The following EPS8L2 variants were observed in gnomAD, a reference collection of about 807,000 sequenced individuals.
The protein encoded by EPS8L2 is epidermal growth factor receptor kinase substrate 8-like protein 2.
A neutral mutation model predicts 99.4 loss-of-function variants in EPS8L2; 81 were observed. The observed-to-expected ratio is 0.82, with a 90% CI of 0.68 to 0.98. EPS8L2 has a LOEUF of 0.98. Among genes scored for constraint, EPS8L2 ranks in the 50% least tolerant of loss-of-function variants. The pLI is 0.00. For missense variants in EPS8L2, 1,155 were observed against 968.8 expected (o/e 1.19, Z -2.55); for synonymous variants, 509 against 407.3 (o/e 1.25, Z -3.01).
intron 4 of EPS8L2, among the ~76,000 whole-genome samples, chr11:714,673 TA>T (rs1283692477): frequency 2.4e-5 from 2 of 81,746 alleles, no homozygotes; most frequent in East Asian, 2.9e-4. Flanking sequence ...TATTTTATTT[TA>T]TTTTTTTTTG....
rs147420345 is a variant in EPS8L2 at position 723,301 on chromosome 11, C to T, written c.1402C>T (p.Pro468Ser). The change falls in exon 15 of 21, where the codon CCC (proline) becomes TCC (serine). Residue 468 changes from proline (P) to serine (S), a missense_variant. Pro to Ser is a moderately conservative substitution (Grantham distance 74). Transcript: ENST00000318562. ...CCAGAAGCACAGCCCCACTTCAGAGCCCACCCCCCCGGGGGATGCCCTACC... is the reference window on the plus strand; with the variant it reads ...CCAGAAGCACAGCCCCACTTCAGAGTCCACCCCCCCGGGGGATGCCCTACC... Reference protein sequence around the residue: ...NSQKHSPTSEPTPPGDALPPV... With the variant: ...NSQKHSPTSESTPPGDALPPV... 142 of 1,603,008 alleles carry T rather than the reference C, an allele frequency of 8.9e-5. No individual in the cohort carries two copies. Among genetic ancestry groups the T allele is most frequent in the Non-Finnish European group, 1.2e-4 (138 of 1,175,928 alleles).
chr11:713,952 G>A (rs1180719230), intron 4 of EPS8L2, among the ~76,000 whole-genome samples: 2 of 152,216 alleles, frequency 1.3e-5, no homozygotes, highest in Admixed American at 1.3e-4. Context: ...TGGCCAGGCT[G>A]GTCCCCAGTG....
intron 1 of EPS8L2, 60 bp from the exon 2 acceptor site, chr11:709,270 A>C: frequency 9.7e-7 from 1 of 1,026,708 alleles, no homozygotes; most frequent in Non-Finnish European, 1.4e-6. Context: ...GGCCCAGGGA[A>C]GGAGGGGAGG....
chr11:725,949 T>G, intron 17 of EPS8L2, 102 bp downstream of exon 17: 1 of 1,358,904 alleles, frequency 7.4e-7, no homozygotes, highest in Non-Finnish European at 9.6e-7. Context: ...CTGGAGAGAC[T>G]GGGGCAGGTG....
Position 726,669 on chromosome 11 carries a change from A to G in EPS8L2, c.1985A>G (p.Asn662Ser). The G allele has an allele frequency of 6.4e-7, 1 of 1,572,340 alleles. No homozygotes were observed. Among genetic ancestry groups the G allele is most frequent in the Non-Finnish European group, 8.6e-7 (1 of 1,159,796 alleles). ...ACCGGGCCGCAGCTCTTCTCCCTCA[A>G]CAAGGAGGAGCTGAAGAAAGTGTGC... The part of the protein sequence containing the change: ...ILTGPQLFSL[N>S]KEELKKVCGE... The change falls in exon 20 of 21, where the codon AAC (asparagine) becomes AGC (serine). Residue 662 changes from asparagine (N) to serine (S), a missense_variant. Coordinates refer to ENST00000318562, the MANE Select transcript of EPS8L2 (RefSeq NM_022772.4).
intron 4 of EPS8L2, among the ~76,000 whole-genome samples, chr11:715,631 TTTTTTTTG>T (rs1862003425): frequency 6.8e-6 from 1 of 147,292 alleles, no homozygotes; most frequent in African/African-American, 2.5e-5. Context: ...TTTTTTTTTT[TTTTTTTTG>T]AAATGGAGTC....
intron 4 of EPS8L2, among the ~76,000 whole-genome samples, chr11:714,162 G>A (rs114716424): frequency 6.6e-6 from 1 of 151,942 alleles, no homozygotes; most frequent in East Asian, 1.9e-4. Flanking sequence ...GATTTCTTCC[G>A]TGTTTTCTTT....
At chr11:725,984 G>C (rs1246814604) in intron 17 of EPS8L2, 114 bp from the exon 18 acceptor site, 3 of 1,339,644 alleles carry the variant, frequency 2.2e-6, no homozygotes, top group East Asian at 2.6e-5. Flanking sequence ...CAGAAGGAAA[G>C]GGCTGGTCCG....
chr11:710,510 C>A, intron 4 of EPS8L2, 24 bp downstream of exon 4: 1 of 1,608,478 alleles, frequency 6.2e-7, no homozygotes, highest in Non-Finnish European at 8.5e-7. Flanking sequence ...CCCAGGTAGG[C>A]TCCGCCCCCA....
intron 6 of EPS8L2, 38 bp downstream of exon 6, chr11:720,784 C>CGCGCA (rs1564975467): frequency 6.5e-7 from 1 of 1,540,038 alleles, no homozygotes; most frequent in Non-Finnish European, 8.7e-7. Context: ...GGGGCCCCGC[C>CGCGCA]GCGCCGCGCC....
intron 15 of EPS8L2, 114 bp downstream of exon 15, chr11:723,467 G>T (rs1862243524): frequency 4.3e-6 from 2 of 465,582 alleles, no homozygotes; most frequent in South Asian, 1.0e-4. Flanking sequence ...TGTTCAAGTG[G>T]TTTAAAATAC....
intron 15 of EPS8L2, among the ~76,000 whole-genome samples, chr11:723,753 C>T (rs1564978717): frequency 6.6e-6 from 1 of 151,934 alleles, no homozygotes; most frequent in Non-Finnish European, 1.5e-5. Context: ...TGAAGCCTCT[C>T]CCCTCCTCCC....
In EPS8L2 at chr11:722,137, T is replaced by A. The variant is rs1162110790; in HGVS notation, c.1031T>A (p.Val344Glu). The change falls in exon 12 of 21, where the codon GTG becomes GAG. Residue 344 changes from valine to glutamate, a missense_variant. Transcript: ENST00000318562. Reference sequence around the variant, plus strand: ...CAGAACCCCAGCGCCGCGGAGCTCGTGCACTTCCTCTTCGGGCCTCTGGAC... The same window carrying A: ...CAGAACCCCAGCGCCGCGGAGCTCGAGCACTTCCTCTTCGGGCCTCTGGAC... ...HIQNPSAAEL[V>E]HFLFGPLDLI... is the part of the protein sequence containing the mutation. The A allele has an allele frequency of 1.2e-6, 2 of 1,612,842 alleles. No individual in the cohort carries two copies. The highest frequency in any genetic ancestry group is 1.7e-6 in the Non-Finnish European group (2 of 1,179,848).
At chr11:719,965 G>C in intron 4 of EPS8L2, 97 bp from the exon 5 acceptor site, 1 of 1,283,432 alleles carries the variant, frequency 7.8e-7, no homozygotes, top group East Asian at 2.5e-5. Flanking sequence ...CCCAGGGTTG[G>C]CTGTGGCCCC....
intron 4 of EPS8L2, among the ~76,000 whole-genome samples, chr11:719,155 CAG>C: frequency 6.6e-6 from 1 of 151,604 alleles, no homozygotes; most frequent in East Asian, 1.9e-4. Flanking sequence ...TTAGTAGAGA[CAG>C]GGTTTCACCA....
intron 4 of EPS8L2, among the ~76,000 whole-genome samples, chr11:715,207 A>G (rs901942070): frequency 1.3e-5 from 2 of 151,284 alleles, no homozygotes; most frequent in African/African-American, 4.9e-5. Context: ...GCGCCACTGC[A>G]CTCCAGCCTG....
chr11:722,542 CG>C lies in EPS8L2; in HGVS notation c.1203del (p.Arg403ValfsTer46). ...LWESLGESWM[R>X]PRSEWPREPQ... ...GGAGTCACTGGGAGAGAGCTGGATG[CG>C]GCCCCGGTAGGGCAGGGCAGAGCAG... On this transcript the variant is annotated frameshift_variant, in exon 13 of 21. Transcript: ENST00000318562. LOFTEE classifies it high-confidence loss of function. 6.2e-7 allele frequency: 1 copy of C among 1,612,732 alleles called. No individual in the cohort carries two copies.
At position 721,162 on chromosome 11, in the gene EPS8L2, A is replaced by C. The variant is rs1294849245; in HGVS notation, c.656A>C (p.Glu219Ala). The C allele has an allele frequency of 1.3e-6, 2 of 1,535,540 alleles. No individual in the cohort carries two copies. ...CAGCACCGCGGCGGGGATTCCCCGG[A>C]GGCCAAGAATCGCGTGGGCCCGCAG... ...PFQHRGGDSPEAKNRVGPQVP... is the reference protein window; with the variant it reads ...PFQHRGGDSPAAKNRVGPQVP... Residue 219 changes from glutamate to alanine, a missense_variant, in exon 8 of 21, where the codon GAG becomes GCG. Coordinates refer to ENST00000318562, the MANE Select transcript of EPS8L2 (RefSeq NM_022772.4).
At chr11:716,292 GC>G (rs1862025690) in intron 4 of EPS8L2, among the ~76,000 whole-genome samples, 1 of 152,086 alleles carries the variant, frequency 6.6e-6, no homozygotes, top group Non-Finnish European at 1.5e-5. Context: ...GGGACTACAG[GC>G]GCCCGCCACC....
Sources: allele counts gnomAD v4.1 joint callset (sites outside exome capture counted in the v4.1 genomes callset), GRCh38; gene constraint gnomAD v4.1.1; transcripts MANE v1.5; gene names NCBI Gene and HGNC (gene_info 2026-07-23, HGNC 2026-07-21).